The following NEK9 variants were observed in gnomAD, a reference collection of about 807,000 sequenced individuals.
NEK9 encodes serine/threonine-protein kinase Nek9.
A neutral mutation model predicts 123.4 loss-of-function variants in NEK9; 75 were observed. The observed-to-expected ratio is 0.61, with a 90% CI of 0.50 to 0.74. The LOEUF is 0.74. Ranked by LOEUF, NEK9 falls within the 30% of genes least tolerant of loss-of-function variation. The pLI is 0.00. For synonymous variants in NEK9, 438 were observed against 458.7 expected, an observed-to-expected ratio of 0.95 and a Z score of 0.58; for missense variants, 952 against 1,214.4, an observed-to-expected ratio of 0.78 and a Z score of 3.21.
At chr14:75,120,653 A>G in intron 3 of NEK9, 73 bp from the exon 4 acceptor site, 1 of 1,101,274 alleles carries the variant, frequency 9.1e-7, no homozygotes, top group South Asian at 1.4e-5. Context: ...ACACATAAAC[A>G]AACAAAACAA....
chr14:75,098,212 A>G (rs1274898930), intron 16 of NEK9, among the ~76,000 whole-genome samples: 1 of 152,184 alleles, frequency 6.6e-6, no homozygotes, highest in Non-Finnish European at 1.5e-5. Flanking sequence ...TTACTGAGAC[A>G]GGAAGGCTGC....
At chr14:75,094,522 A>G (rs1894318934) in intron 18 of NEK9, among the ~76,000 whole-genome samples, 1 of 152,212 alleles carries the variant, frequency 6.6e-6, no homozygotes, top group Admixed American at 6.5e-5. Context: ...TGGGCTGGGC[A>G]TGGTGGCTCA....
rs1253588161 is a variant in NEK9, at chr14:75,109,846, C to T, written c.1021G>A (p.Val341Ile). Residue 341 changes from valine (V) to isoleucine (I), a missense_variant, in exon 10 of 22, where the codon GTA (valine) becomes ATA (isoleucine). By Grantham distance (29) the Val-to-Ile change is conservative. Around this residue, in one of 4 missense-constraint regions of NEK9, gnomAD observed 698 missense variants for 875.6 expected, o/e 0.80. Transcript: ENST00000238616. ...ACTTCACTGGTTCGTGATGTTACTA[C>T]AGCAATGGGTGCTTCAGTCACAGTG... is the stretch of plus-strand genomic sequence containing the variant. ...SSTVTEAPIA[V>I]VTSRTSEVYV... The T allele has an allele frequency of 7.4e-6, 12 of 1,613,456 alleles. No individual in the cohort carries two copies. In the Admixed American group the frequency reaches 1.7e-4, roughly 22 times the overall value.
At position 75,126,782 on chromosome 14, in the gene NEK9, T is replaced by C; in HGVS notation, c.140A>G (p.Gln47Arg). 6.5e-7 allele frequency: 1 copy of C among 1,531,670 alleles called. No homozygotes were observed. The highest frequency in any genetic ancestry group is 8.8e-7 in the Non-Finnish European group (1 of 1,140,156). The allele number at this position is 1,531,670 out of a possible 1,614,324, so 94.9% of individuals were successfully genotyped here. Residue 47 changes from glutamine to arginine, a missense_variant, in exon 1 of 22, where the codon CAG (glutamine) becomes CGG (arginine). By Grantham distance (43) the Gln-to-Arg change is conservative. Transcript: ENST00000238616. The stretch of plus-strand genomic sequence containing the variant: ...GATGGGGATGTAGTGCAGTTCCTCC[T>C]GCTCCGCCGCGCCGCCGCCGGCTCG... ...GPRAGGGAAE[Q>R]EELHYIPIRV...
At chr14:75,118,766 G>A (rs1895223013) in intron 5 of NEK9, 64 bp downstream of exon 5, 3 of 902,592 alleles carry the variant, frequency 3.3e-6, no homozygotes, top group Non-Finnish European at 5.4e-6. Context: ...AAGATTTAGG[G>A]AGTACAGTTA....
chr14:75,120,637 A>G, intron 3 of NEK9, 57 bp from the exon 4 acceptor site: 1 of 1,241,228 alleles, frequency 8.1e-7, no homozygotes, highest in East Asian at 2.3e-5. Context: ...TTAAGTAAAT[A>G]CACACACACA....
In NEK9 at chr14:75,118,938, G is replaced by A; in HGVS notation, c.525-3C>T. 3 of 1,346,278 alleles carry A rather than the reference G, an allele frequency of 2.2e-6. No individual in the cohort carries two copies. The highest frequency in any genetic ancestry group is 1.5e-5 in the African/African-American group (1 of 68,736). The allele number at this position is 1,346,278 out of a possible 1,614,324, so 83.4% of individuals were successfully genotyped here. A position where few individuals can be genotyped will look rare whatever the true frequency, so the allele number is the denominator to read the frequency against. ...AAATATTTAATGTCTTTATATCTCT[G>A]AAAAAAAAAGATGCTGCAAATTAAG... On this transcript the variant is annotated splice_region_variant and splice_polypyrimidine_tract_variant and intron_variant, in intron 4 of 21. Transcript: ENST00000238616.
intron 4 of NEK9, 123 bp from the exon 5 acceptor site, chr14:75,119,058 G>A (rs557433069): frequency 4.7e-6 from 3 of 634,074 alleles, no homozygotes; most frequent in Non-Finnish European, 8.4e-6. Flanking sequence ...GCTCACATCT[G>A]TAATCTCAGC....
In NEK9 at chr14:75,083,026, T is replaced by C. The variant is rs1893913194; in HGVS notation, c.*1538A>G. 2.5e-6 allele frequency: 1 copy of C among 398,528 alleles called. No individual in the cohort carries two copies. The highest frequency in any genetic ancestry group is 2.1e-5 in the African/African-American group (1 of 48,636). 24.7% of individuals were successfully genotyped at this position (398,528 alleles called of 1,614,324 possible). On this transcript the variant is annotated 3_prime_UTR_variant, in exon 22 of 22. Transcript: ENST00000238616. ...GAACAGAGTTGCCTGTCCCGAGCAA[T>C]GGGGTTCTCCCCAAGCATCAGCCTT...
At chr14:75,120,031 A>G (rs1285514917) in intron 4 of NEK9, among the ~76,000 whole-genome samples, 1 of 152,202 alleles carries the variant, frequency 6.6e-6, no homozygotes, top group Non-Finnish European at 1.5e-5. Context: ...TGAAAATGTT[A>G]TTGAGATGCT....
At chr14:75,096,987 C>T in intron 17 of NEK9, 113 bp downstream of exon 17, 2 of 1,004,602 alleles carry the variant, frequency 2.0e-6, no homozygotes, top group Non-Finnish European at 1.4e-6. Flanking sequence ...ACAAGACTTA[C>T]AGAAATGGCT....
chr14:75,085,847 GCC>G (rs1894003869), intron 21 of NEK9, among the ~76,000 whole-genome samples: 1 of 152,136 alleles, frequency 6.6e-6, no homozygotes, highest in African/African-American at 2.4e-5. Context: ...CCATGTTTGT[GCC>G]ACTGCACTCC....
intron 16 of NEK9, among the ~76,000 whole-genome samples, chr14:75,097,974 G>A (rs1173359624): frequency 1.3e-5 from 2 of 152,158 alleles, no homozygotes; most frequent in Non-Finnish European, 2.9e-5. Flanking sequence ...AGGGCCAGTC[G>A]GGCCACTGTG....
chr14:75,118,147 G>C (rs779382462), intron 5 of NEK9, among the ~76,000 whole-genome samples: 36 of 152,098 alleles, frequency 2.4e-4, no homozygotes, highest in Non-Finnish European at 4.9e-4. Context: ...CTGAGTCCCT[G>C]AAGCAGAGAC....
At chr14:75,124,436 G>A (rs981323024) in intron 1 of NEK9, among the ~76,000 whole-genome samples, 1 of 152,148 alleles carries the variant, frequency 6.6e-6, no homozygotes, top group Non-Finnish European at 1.5e-5. Context: ...AAACGTTGTT[G>A]TCATACTTAA....
intron 14 of NEK9, among the ~76,000 whole-genome samples, chr14:75,103,096 G>C (rs146546121): frequency 1.3e-5 from 2 of 152,026 alleles, no homozygotes; most frequent in African/African-American, 4.8e-5. Context: ...TAATGTAAAT[G>C]ACGAGTTAAT....
At position 75,095,168 on chromosome 14, in the gene NEK9, A is replaced by C. The variant is rs175479; in HGVS notation, c.2233+204T>G. 0.5 allele frequency among the ~76,000 whole-genome samples: 75,862 copies of C among 152,114 alleles called. 19,474 individuals carry two copies. Among genetic ancestry groups the C allele is most frequent in the Middle Eastern group, 0.56 (166 of 294 alleles). Reference sequence around the variant, plus strand: ...ACTTGCATATGCGTTGGAGGCAAAGATGATGTAGTGTCTCTCTGACCACAA... The same window carrying C: ...ACTTGCATATGCGTTGGAGGCAAAGCTGATGTAGTGTCTCTCTGACCACAA... On this transcript the variant is annotated intron_variant, in intron 18 of 21. Transcript: ENST00000238616.
Position 75,087,246 on chromosome 14 carries a change from G to C in NEK9, c.2605-16C>G. 1.9e-6 allele frequency: 3 copies of C among 1,583,628 alleles called. No homozygotes were observed. The South Asian group carries it at 3.3e-5, about 18-fold the overall frequency. ...GCCGAGGTGACTAGAGAGACAAGAAGGAGATTGCAGGAGGTTCTGCCCAGG... is the reference window on the plus strand; with the variant it reads ...GCCGAGGTGACTAGAGAGACAAGAACGAGATTGCAGGAGGTTCTGCCCAGG... On this transcript the variant is annotated splice_polypyrimidine_tract_variant and intron_variant, in intron 20 of 21. Coordinates refer to ENST00000238616, the MANE Select transcript of NEK9 (RefSeq NM_033116.6).
chr14:75,118,781 T>A, intron 5 of NEK9, 49 bp downstream of exon 5: 3 of 1,059,664 alleles, frequency 2.8e-6, no homozygotes, highest in Non-Finnish European at 4.3e-6. Flanking sequence ...CAGTTATATT[T>A]CACAGTGCTA....
Sources: allele counts gnomAD v4.1 joint callset (sites outside exome capture counted in the v4.1 genomes callset), GRCh38; gene constraint gnomAD v4.1.1; regional missense constraint gnomAD v4.1.1; transcripts MANE v1.5; gene names NCBI Gene and HGNC (gene_info 2026-07-23, HGNC 2026-07-21).